MPND: variants seen among roughly 807,000 people sequenced by gnomAD.
The protein encoded by MPND is MPN domain containing.
A neutral mutation model predicts 59.2 loss-of-function variants in MPND; 56 were observed. The observed-to-expected ratio is 0.95, with a 90% CI of 0.76 to 1.18. The LOEUF (loss-of-function observed/expected upper bound fraction) is 1.18, where lower values mean the gene tolerates loss of function less well. MPND is among the 50% of genes most tolerant of loss of function. The probability of loss-of-function intolerance (pLI) is 0.00; values close to 1 mark genes in which losing one functional copy is unlikely to be tolerated. For synonymous variants in MPND, 323 were observed against 291.9 expected (o/e 1.11, Z -1.09); for missense variants, 671 against 676.0 (o/e 0.99, Z 0.08).
intron 12 of MPND, 130 bp from the exon 13 acceptor site, chr19:4,359,786 C>G: frequency 1.5e-6 from 1 of 669,546 alleles, no homozygotes; most frequent in Non-Finnish European, 2.5e-6. Context: ...GGCTGTGCTG[C>G]GGGACCCCAG....
intron 3 of MPND, among the ~76,000 whole-genome samples, chr19:4,351,323 C>G (rs1006095035): frequency 1.3e-5 from 2 of 151,954 alleles, no homozygotes; most frequent in Non-Finnish European, 2.9e-5. Context: ...AGGCTGGTCT[C>G]GAACTCCTGA....
chr19:4,359,027 T>G, intron 11 of MPND, 136 bp from the exon 12 acceptor site: 1 of 616,300 alleles, frequency 1.6e-6, no homozygotes, highest in Non-Finnish European at 2.9e-6. Flanking sequence ...CTAAGGTCAC[T>G]CGTGATCTCT....
intron 12 of MPND, among the ~76,000 whole-genome samples, chr19:4,359,714 C>T (rs1413745861): frequency 6.6e-6 from 1 of 152,140 alleles, no homozygotes. Context: ...CCCCTCCACA[C>T]AGCACCGCTG....
At chr19:4,347,546 G>T (rs1359133210) in intron 3 of MPND, among the ~76,000 whole-genome samples, 1 of 151,950 alleles carries the variant, frequency 6.6e-6, no homozygotes, top group African/African-American at 2.4e-5. Context: ...GCTGCCTGTA[G>T]ATATGTTTTC....
intron 8 of MPND, among the ~76,000 whole-genome samples, 193 bp downstream of exon 8, chr19:4,355,366 C>G (rs1232172959): frequency 7.4e-6 from 1 of 134,464 alleles, no homozygotes; most frequent in Non-Finnish European, 1.5e-5. Flanking sequence ...GACGGAGTCT[C>G]GCTCTGTCAC....
At chr19:4,349,474 C>A (rs192718475) in intron 3 of MPND, among the ~76,000 whole-genome samples, 1 of 150,196 alleles carries the variant, frequency 6.7e-6, no homozygotes, top group Non-Finnish European at 1.5e-5. Context: ...GGGTGCTCAA[C>A]GGGAGGCTGC....
At chr19:4,354,536 G>A (rs1307661846) in intron 6 of MPND, 116 bp downstream of exon 6, 5 of 848,010 alleles carry the variant, frequency 5.9e-6, no homozygotes, top group Non-Finnish European at 9.4e-6. Flanking sequence ...TGCTTTGTTT[G>A]CTACTGGTAC....
rs759888165 is a variant in MPND, at chr19:4,359,196, G to C, written c.1360G>C (p.Asp454His). The C allele has an allele frequency of 1.2e-6, 2 of 1,613,356 alleles. No individual in the cohort carries two copies. The highest frequency in any genetic ancestry group is 2.2e-5 in the South Asian group (2 of 91,068). ...LLVEFYKGSP[D>H]LVRLQEPWSQ... ...GGTGGAGTTCTACAAGGGTTCCCCT[G>C]ACCTCGTGAGGCTCCAGGAACCCTG... The change falls in exon 12 of 13, where the codon GAC becomes CAC. Residue 454 changes from aspartate (D) to histidine (H), a missense_variant. Asp to His is a moderately conservative substitution (Grantham distance 81). Coordinates refer to ENST00000599840, the MANE Select transcript of MPND (RefSeq NM_001300862.2).
At position 4,355,183 on chromosome 19, in the gene MPND, T is replaced by C. The variant is rs1431548384; in HGVS notation, c.996+10T>C. 5 of 1,612,132 alleles carry C rather than the reference T, an allele frequency of 3.1e-6. No homozygotes were observed. Among genetic ancestry groups the C allele is most frequent in the African/African-American group, 2.7e-5 (2 of 74,870 alleles). On this transcript the variant is annotated intron_variant, in intron 8 of 12. Transcript: ENST00000599840. ...TGCCATCGAAGAGGAGGTGAGGGGC[T>C]ACCTGGGAGGTGGCATTCTGGGGAG...
chr19:4,348,050 C>T (rs1972226277), intron 3 of MPND: 1 of 152,254 alleles, frequency 6.6e-6, no homozygotes, highest in Admixed American at 6.6e-5. Flanking sequence ...CACCACCACA[C>T]CCGGCTAATT....
chr19:4,354,209 G>T (rs529570283), intron 5 of MPND, 80 bp downstream of exon 5: 23 of 1,520,772 alleles, frequency 1.5e-5, no homozygotes, highest in African/African-American at 8.2e-5. Flanking sequence ...GGGCAGGGGT[G>T]GGGGGTGGGA....
rs562719540 is a variant in MPND, at chr19:4,352,145, C to A, written c.532-752C>A. Among the ~76,000 whole-genome samples the A allele has an allele frequency of 4.0e-5, 6 of 151,602 alleles. No homozygotes were observed. The South Asian group carries it at 1.0e-3, about 26-fold the overall frequency. On this transcript the variant is annotated intron_variant, in intron 3 of 12. Coordinates refer to ENST00000599840, the MANE Select transcript of MPND (RefSeq NM_001300862.2). ...CCAAGATCGTGCCACTGCGCTCCAG[C>A]CTGGGTGACAGAGTGAGACCGTGTC... is the stretch of plus-strand genomic sequence containing the variant.
Position 4,343,833 on chromosome 19 carries a change from G to A in MPND, c.133G>A (p.Gly45Ser). Residue 45 changes from glycine to serine, a missense_variant, in exon 2 of 13, where the codon GGC becomes AGC. Gly to Ser is a moderately conservative substitution (Grantham distance 56). Coordinates refer to ENST00000599840, the MANE Select transcript of MPND (RefSeq NM_001300862.2). The part of the protein sequence containing the change: ...AGAGGGRSGG[G>S]GSSVSGGGGG... ...AGCGGGCGGTGGACGCAGTGGCGGC[G>A]GCGGCAGTAGCGTCAGCGGAGGAGG... 8.3e-7 allele frequency: 1 copy of A among 1,208,496 alleles called. No individual in the cohort carries two copies. The highest frequency in any genetic ancestry group is 1.0e-6 in the Non-Finnish European group (1 of 974,326). 74.9% of individuals were successfully genotyped at this position (1,208,496 alleles called of 1,614,324 possible). A position where few individuals can be genotyped will look rare whatever the true frequency, so the allele number is the denominator to read the frequency against.
intron 8 of MPND, 90 bp from the exon 9 acceptor site, chr19:4,357,163 A>C: frequency 7.1e-7 from 1 of 1,406,376 alleles, no homozygotes; most frequent in East Asian, 2.5e-5. Context: ...CCTGATACAC[A>C]GCAGGAATTC....
chr19:4,358,003 C>A, intron 10 of MPND, 80 bp from the exon 11 acceptor site: 2 of 1,214,690 alleles, frequency 1.6e-6, no homozygotes, highest in Non-Finnish European at 2.4e-6. Context: ...CCGTTCCCAG[C>A]CCGGGCACTG....
chr19:4,358,076 C>T lies in MPND; in HGVS notation c.1237-7C>T. The stretch of plus-strand genomic sequence containing the variant: ...AGGCTTCTCTCACTGGTCTGTGTCC[C>T]TGCCAGCAAAGGCCCAGTGACTATG... On this transcript the variant is annotated splice_region_variant and splice_polypyrimidine_tract_variant and intron_variant, in intron 10 of 12. Coordinates refer to ENST00000599840, the MANE Select transcript of MPND (RefSeq NM_001300862.2). The T allele has an allele frequency of 6.4e-7, 1 of 1,550,928 alleles. No homozygotes were observed. The highest frequency in any genetic ancestry group is 8.7e-7 in the Non-Finnish European group (1 of 1,146,582).
Position 4,359,959 on chromosome 19 carries a change from A to G in MPND, c.1463A>G (p.His488Arg). 6.3e-7 allele frequency: 1 copy of G among 1,575,044 alleles called. No homozygotes were observed. The highest frequency in any genetic ancestry group is 8.6e-7 in the Non-Finnish European group (1 of 1,159,934). ...ACGCCCAAGGACCAGAGCCTGTGTC[A>G]CGTCCTGGAACAGGTGTGCGGCGTC... is the stretch of plus-strand genomic sequence containing the variant. The part of the protein sequence containing the change: ...SRTPKDQSLC[H>R]VLEQVCGVLK... The change falls in exon 13 of 13, where the codon CAC becomes CGC. Residue 488 changes from histidine to arginine, a missense_variant. Coordinates refer to ENST00000599840, the MANE Select transcript of MPND (RefSeq NM_001300862.2).
chr19:4,354,389 TG>T lies in MPND; in HGVS notation c.817del (p.Ala273LeufsTer16). 6.4e-7 allele frequency: 1 copy of T among 1,560,626 alleles called. No individual in the cohort carries two copies. Among genetic ancestry groups the T allele is most frequent in the Non-Finnish European group, 8.7e-7 (1 of 1,150,988 alleles). On this transcript the variant is annotated frameshift_variant, in exon 6 of 13. Transcript: ENST00000599840. LOFTEE classifies it high-confidence loss of function. ...AAINKFQPFN[V>X]AVSSNVLFLL... ...ATCAACAAGTTCCAGCCGTTCAACG[TG>T]GCTGTTTCTAGCAACGTGCTGTTCC...
rs144604946 is a variant in MPND at position 4,345,878 on chromosome 19, G to A, written c.428G>A (p.Cys143Tyr). 88 of 1,613,944 alleles carry A rather than the reference G, an allele frequency of 5.5e-5. No individual in the cohort carries two copies. Among genetic ancestry groups the A allele is most frequent in the Non-Finnish European group, 7.0e-5 (83 of 1,180,048 alleles). ...KLVNPAKKSGCGWASVKYKGQ... is the reference protein window; with the variant it reads ...KLVNPAKKSGYGWASVKYKGQ... ...GTGAACCCTGCCAAGAAGTCGGGCT[G>A]TGGCTGGGCCTCTGTCAAGTACAAA... The change falls in exon 3 of 13, where the codon TGT becomes TAT. Residue 143 changes from cysteine (C) to tyrosine (Y), a missense_variant. By Grantham distance (194) the Cys-to-Tyr change is radical. Transcript: ENST00000599840.
Sources: allele counts gnomAD v4.1 joint callset (sites outside exome capture counted in the v4.1 genomes callset), GRCh38; gene constraint gnomAD v4.1.1; transcripts MANE v1.5; gene names NCBI Gene and HGNC (gene_info 2026-07-23, HGNC 2026-07-21).